The following APBB2 variants were observed in gnomAD, a reference collection of about 807,000 sequenced individuals.
APBB2 encodes the protein amyloid beta precursor protein binding family B member 2, also known as Fe65-like 1.
In APBB2, 38 loss-of-function variants were observed where a neutral mutation model predicts 82.5. The observed-to-expected ratio is 0.46, with a 90% CI of 0.36 to 0.60. The LOEUF (loss-of-function observed/expected upper bound fraction) is 0.60, where lower values mean the gene tolerates loss of function less well. APBB2 is among the 20% of genes least tolerant of loss of function. The pLI, the probability that APBB2 is intolerant of heterozygous loss-of-function variation, is 0.00. For missense variants in APBB2, 772 were observed against 972.3 expected (o/e 0.79, Z 2.74); for synonymous variants, 341 against 368.2 (o/e 0.93, Z 0.85).
In APBB2 at chr4:41,035,619, C is replaced by G. The variant is rs192590471; in HGVS notation, c.-50-2315G>C. On this transcript the variant is annotated intron_variant, in intron 4 of 17. Transcript: ENST00000508593. ...AGAGAGAAAGTCAAAAAAAGGCATA[C>G]TAGTGTGAGCATTCTGAAAAGGCTT... Among the ~76,000 whole-genome samples, 1,004 of 152,236 alleles carry G rather than the reference C, an allele frequency of 6.6e-3. 15 individuals carry two copies. The highest frequency in any genetic ancestry group is 0.022 in the African/African-American group (895 of 41,536).
chr4:40,977,711 G>A (rs1244677907), intron 6 of APBB2, among the ~76,000 whole-genome samples: 1 of 152,154 alleles, frequency 6.6e-6, no homozygotes, highest in South Asian at 2.1e-4. Flanking sequence ...AACACATGGT[G>A]TACATACAGA....
intron 6 of APBB2, among the ~76,000 whole-genome samples, chr4:40,978,751 A>G (rs1797778707): frequency 1.3e-5 from 2 of 152,172 alleles, no homozygotes; most frequent in African/African-American, 4.8e-5. Context: ...AAGATTTTAT[A>G]CTTACAAATA....
intron 12 of APBB2, among the ~76,000 whole-genome samples, chr4:40,833,565 C>A (rs4861319): frequency 0.19 from 28,861 of 151,906 alleles, 3,216 homozygotes; most frequent in East Asian, 0.33. Context: ...TTATATCATA[C>A]CTTTTTGTAG....
At chr4:40,834,667 C>T (rs58278505) in intron 12 of APBB2, among the ~76,000 whole-genome samples, 31,474 of 151,894 alleles carry the variant, frequency 0.21, 3,625 homozygotes, top group African/African-American at 0.31. Flanking sequence ...AGGTGGGCCC[C>T]GCAAATTCAC....
chr4:40,898,863 A>ACG (rs1172988720), intron 10 of APBB2, among the ~76,000 whole-genome samples: 3 of 75,824 alleles, frequency 4.0e-5, no homozygotes, highest in Non-Finnish European at 6.0e-5. Flanking sequence ...ACTCACACAC[A>ACG]CACACACACA....
chr4:40,928,258 G>A (rs1435659005), intron 10 of APBB2, among the ~76,000 whole-genome samples: 1 of 152,194 alleles, frequency 6.6e-6, no homozygotes, highest in African/African-American at 2.4e-5. Context: ...CTGAAGTTAA[G>A]GGGACTGGGC....
chr4:40,815,937 G>A lies in APBB2; in HGVS notation c.*155C>T, dbSNP rs946289285. 7.3e-6 allele frequency: 6 copies of A among 817,942 alleles called. No homozygotes were observed. The highest frequency in any genetic ancestry group is 1.2e-5 in the Non-Finnish European group (6 of 514,796). 50.7% of individuals were successfully genotyped at this position (817,942 alleles called of 1,614,324 possible). ...TCATATCACATGATGGTGGCAAGACGAGAGAACATGCTTGTCTAACACTGC... is the reference window on the plus strand; with the variant it reads ...TCATATCACATGATGGTGGCAAGACAAGAGAACATGCTTGTCTAACACTGC... On this transcript the variant is annotated 3_prime_UTR_variant, in exon 18 of 18. Transcript: ENST00000508593.
intron 12 of APBB2, among the ~76,000 whole-genome samples, chr4:40,846,583 G>A (rs1214294560): frequency 1.3e-5 from 2 of 152,186 alleles, no homozygotes; most frequent in African/African-American, 4.8e-5. Context: ...CCGGTGACAT[G>A]AACAACCGTC....
At chr4:40,871,036 G>A (rs1488970339) in intron 12 of APBB2, among the ~76,000 whole-genome samples, 2 of 151,420 alleles carry the variant, frequency 1.3e-5, no homozygotes. Flanking sequence ...GTGTCTCTCA[G>A]AAGGACACTT....
chr4:40,829,367 G>A (rs978957318), intron 13 of APBB2, among the ~76,000 whole-genome samples: 5 of 152,184 alleles, frequency 3.3e-5, no homozygotes, highest in African/African-American at 4.8e-5. Context: ...CTGCAGAGAC[G>A]GGGGTGGTGG....
At chr4:40,864,407 G>GT (rs1007784088) in intron 12 of APBB2, among the ~76,000 whole-genome samples, 2 of 152,112 alleles carry the variant, frequency 1.3e-5, no homozygotes, top group Admixed American at 6.5e-5. Context: ...TTGCACTCAC[G>GT]TAAGGATGTG....
Position 40,814,767 on chromosome 4 carries a change from A to G in APBB2, c.*1325T>C, listed in dbSNP as rs1745175475. The G allele has an allele frequency of 6.6e-6, 1 of 152,242 alleles. No homozygotes were observed. Among genetic ancestry groups the G allele is most frequent in the African/African-American group, 2.4e-5 (1 of 41,470 alleles). 9.4% of individuals were successfully genotyped at this position (152,242 alleles called of 1,614,324 possible). On this transcript the variant is annotated 3_prime_UTR_variant, in exon 18 of 18. Coordinates refer to ENST00000508593, the MANE Select transcript of APBB2 (RefSeq NM_004307.2). ...CTAAATTTGTATGTCTTTCCAGCTA[A>G]GTTTCTCACCTACATACGAAGGAGC...
At chr4:41,170,696 A>T (rs79381082) in intron 1 of APBB2, among the ~76,000 whole-genome samples, 3,025 of 152,160 alleles carry the variant, frequency 0.02, 93 homozygotes, top group African/African-American at 0.07. Flanking sequence ...ATGGGACCTT[A>T]ACTGGCAAAA....
intron 10 of APBB2, among the ~76,000 whole-genome samples, chr4:40,894,755 A>G (rs1773174353): frequency 6.6e-6 from 1 of 152,224 alleles, no homozygotes; most frequent in Admixed American, 6.5e-5. Flanking sequence ...AAAGTTCTAT[A>G]TGCTGTTTAT....
At chr4:40,939,291 A>G (rs868626945) in intron 7 of APBB2, among the ~76,000 whole-genome samples, 3 of 152,166 alleles carry the variant, frequency 2.0e-5, no homozygotes, top group Non-Finnish European at 4.4e-5. Context: ...ACTCCCTCCC[A>G]TATCAAACAG....
At chr4:40,977,547 A>C (rs1471345129) in intron 6 of APBB2, among the ~76,000 whole-genome samples, 1 of 152,172 alleles carries the variant, frequency 6.6e-6, no homozygotes, top group Non-Finnish European at 1.5e-5. Context: ...TTCTGACCTC[A>C]GGTGATCCTC....
chr4:41,046,980 A>G (rs1258118745), intron 4 of APBB2, among the ~76,000 whole-genome samples: 1 of 152,234 alleles, frequency 6.6e-6, no homozygotes, highest in Non-Finnish European at 1.5e-5. Context: ...AAAACTCATC[A>G]TTCATTCCCC....
chr4:41,079,667 C>T (rs1192935469), intron 3 of APBB2, among the ~76,000 whole-genome samples: 1 of 151,832 alleles, frequency 6.6e-6, no homozygotes, highest in Non-Finnish European at 1.5e-5. Context: ...TCCTGCCCCA[C>T]CCTCCCAAGT....
chr4:40,815,384 A>G lies in APBB2; in HGVS notation c.*708T>C, dbSNP rs956316377. ...ATCAGTTTGAAAACCATCGGAAAAG[A>G]AAGGCTATGTTTTGTTCGATTTTAA... On this transcript the variant is annotated 3_prime_UTR_variant, in exon 18 of 18. Transcript: ENST00000508593. 1.2e-4 allele frequency: 19 copies of G among 152,722 alleles called. No individual in the cohort carries two copies. The highest frequency in any genetic ancestry group is 3.6e-4 in the African/African-American group (15 of 41,588). The allele number at this position is 152,722 out of a possible 1,614,324, so 9.5% of individuals were successfully genotyped here. A position where few individuals can be genotyped will look rare whatever the true frequency, so the allele number is the denominator to read the frequency against.
Sources: gnomAD v4.1 joint callset for allele counts (sites outside exome capture counted in the v4.1 genomes callset) on GRCh38, gnomAD v4.1.1 for gene constraint, MANE v1.5 for transcripts, NCBI Gene and HGNC (gene_info 2026-07-23, HGNC 2026-07-21) for gene names.